Variants in CDH15 observed in about 807,000 individuals in gnomAD.
CDH15 encodes the protein cadherin-15.
Under a neutral mutation model 69.4 loss-of-function variants are expected in CDH15, and 73 were observed. The ratio of observed to expected loss-of-function variants is 1.05; its 90% CI spans 0.87 to 1.28. CDH15 has a LOEUF of 1.28. Among genes scored for constraint, CDH15 ranks in the 50% most tolerant of loss-of-function variants. The pLI, the probability that CDH15 is intolerant of heterozygous loss-of-function variation, is 0.00. For missense variants in CDH15, 1,343 were observed against 1,133.6 expected, an observed-to-expected ratio of 1.18 and a Z score of -2.65; for synonymous variants, 624 against 507.7, an observed-to-expected ratio of 1.23 and a Z score of -3.08.
In CDH15 at chr16:89,180,457, C is replaced by T. The variant is rs1273710991; in HGVS notation, c.357+102C>T. 2.3e-6 allele frequency: 3 copies of T among 1,319,632 alleles called. No homozygotes were observed. The African/African-American group carries it at 4.4e-5, about 19-fold the overall frequency. The allele number at this position is 1,319,632 out of a possible 1,614,324, so 81.7% of individuals were successfully genotyped here. A position where few individuals can be genotyped will look rare whatever the true frequency, so the allele number is the denominator to read the frequency against. ...CTTCTCCTCCCCGCTCGGTGGGCTTCAGGCCAGACTGCAAGATCCAGGCAC... is the reference window on the plus strand; with the variant it reads ...CTTCTCCTCCCCGCTCGGTGGGCTTTAGGCCAGACTGCAAGATCCAGGCAC... On this transcript the variant is annotated intron_variant, in intron 3 of 13. Transcript: ENST00000289746.
chr16:89,175,223 G>A (rs1915233836), intron 1 of CDH15, among the ~76,000 whole-genome samples: 1 of 152,206 alleles, frequency 6.6e-6, no homozygotes, highest in Non-Finnish European at 1.5e-5. Flanking sequence ...GCTGGAGGTT[G>A]GGTGAACAGG....
At chr16:89,191,269 G>A in intron 8 of CDH15, 61 bp from the exon 9 acceptor site, 1 of 1,606,262 alleles carries the variant, frequency 6.2e-7, no homozygotes, top group Admixed American at 1.7e-5. Flanking sequence ...ACCCATACCT[G>A]ACCACACCTG....
At position 89,185,162 on chromosome 16, in the gene CDH15, G is replaced by C; in HGVS notation, c.503-11G>C. 6.3e-7 allele frequency: 1 copy of C among 1,589,034 alleles called. No individual in the cohort carries two copies. The highest frequency in any genetic ancestry group is 8.6e-7 in the Non-Finnish European group (1 of 1,168,570). ...TGGACGTTGGCCCTCACGCCTCCCT[G>C]TGCTTCCCAGGCACCTATGTGACCA... On this transcript the variant is annotated splice_polypyrimidine_tract_variant and intron_variant, in intron 4 of 13. Coordinates refer to ENST00000289746, the MANE Select transcript of CDH15 (RefSeq NM_004933.3).
chr16:89,184,365 T>C (rs1718510231), intron 4 of CDH15, among the ~76,000 whole-genome samples: 1 of 152,150 alleles, frequency 6.6e-6, no homozygotes. Flanking sequence ...AAGCCCGTCC[T>C]TCCCACCCCA....
Position 89,185,169 on chromosome 16 carries a change from C to G in CDH15, c.503-4C>G. On this transcript the variant is annotated splice_polypyrimidine_tract_variant and splice_region_variant and intron_variant, in intron 4 of 13. Transcript: ENST00000289746. ...TGGCCCTCACGCCTCCCTGTGCTTC[C>G]CAGGCACCTATGTGACCAGGGCAGA... The G allele has an allele frequency of 1.3e-6, 2 of 1,594,302 alleles. No individual in the cohort carries two copies. Among genetic ancestry groups the G allele is most frequent in the Non-Finnish European group, 1.7e-6 (2 of 1,171,310 alleles).
chr16:89,172,176 G>T (rs1236764658), intron 1 of CDH15, among the ~76,000 whole-genome samples: 1 of 152,142 alleles, frequency 6.6e-6, no homozygotes, highest in Non-Finnish European at 1.5e-5. Flanking sequence ...TGGAGGAACC[G>T]CTGCCGGGGT....
rs140621107 is a variant in CDH15 at position 89,191,689 on chromosome 16, C to T, written c.1410C>T (p.Ser470=). The change falls in exon 10 of 14, where the codon TCC becomes TCT. Residue 470 remains serine (S), a synonymous_variant. Coordinates refer to ENST00000289746, the MANE Select transcript of CDH15 (RefSeq NM_004933.3). The part of the protein sequence containing the change: ...SQPRTATGTL[S]IEILEVNDHA... Reference sequence around the variant, plus strand: ...CCCGCACCGCCACCGGCACCCTGTCCATCGAGATCCTGGAGGTGAACGACC... The same window carrying T: ...CCCGCACCGCCACCGGCACCCTGTCTATCGAGATCCTGGAGGTGAACGACC... 2,397 of 1,600,942 alleles carry T rather than the reference C, an allele frequency of 1.5e-3. 35 individuals are homozygous for T. In the African/African-American group the frequency reaches 0.029, roughly 19 times the overall value.
intron 8 of CDH15, 97 bp downstream of exon 8, chr16:89,190,593 G>A (rs1049729877): frequency 6.9e-7 from 1 of 1,445,514 alleles, no homozygotes. Context: ...GTCAGAGGGT[G>A]TAGGGGCCAT....
rs368927460 is a variant in CDH15 at position 89,191,565 on chromosome 16, G to C, written c.1376-90G>C. 39 of 1,581,952 alleles carry C rather than the reference G, an allele frequency of 2.5e-5. No individual in the cohort carries two copies. In the Admixed American group the frequency reaches 6.5e-4, roughly 26 times the overall value. ...TCGGAGGGCTCTGCCCATGTCGCCC[G>C]GGGGCTCAGAGCTGCGCACCCGCTC... On this transcript the variant is annotated intron_variant, in intron 9 of 13. Transcript: ENST00000289746.
At chr16:89,181,513 C>T (rs1338660480) in intron 3 of CDH15, among the ~76,000 whole-genome samples, 2 of 152,150 alleles carry the variant, frequency 1.3e-5, no homozygotes, top group South Asian at 2.1e-4. Context: ...GGTGTTGCTG[C>T]GTGCCTGTGG....
chr16:89,183,579 C>G lies in CDH15; in HGVS notation c.389C>G (p.Ser130Cys). Residue 130 changes from serine to cysteine, a missense_variant, in exon 4 of 14, where the codon TCC (serine) becomes TGC (cysteine). Transcript: ENST00000289746. ...LRAFALDLGG[S>C]TLEDPTDLEI... is the part of the protein sequence containing the mutation. ...GCGTTTGCCCTGGACCTGGGAGGAT[C>G]CACCCTGGAGGACCCCACGGACCTG... The G allele has an allele frequency of 6.2e-7, 1 of 1,614,154 alleles. No individual in the cohort carries two copies. The highest frequency in any genetic ancestry group is 8.5e-7 in the Non-Finnish European group (1 of 1,180,038).
In CDH15 at chr16:89,191,404, TGCTCA is replaced by T. The variant is rs1915637298; in HGVS notation, c.1310_1314del (p.Leu437ProfsTer20). The T allele has an allele frequency of 1.2e-6, 2 of 1,612,772 alleles. No homozygotes were observed. The highest frequency in any genetic ancestry group is 1.3e-5 in the African/African-American group (1 of 75,038). On this transcript the variant is annotated frameshift_variant, in exon 9 of 14. Transcript: ENST00000289746. LOFTEE classifies it high-confidence loss of function. ...ACTGGCCGGATCCAGACCCAGCACG[TGCTCA>T]GCCCGGCGTCCCCCTTCCTCAAGGG... is the stretch of plus-strand genomic sequence containing the variant.
At chr16:89,172,630 A>T (rs9939388) in intron 1 of CDH15, among the ~76,000 whole-genome samples, 152,207 of 152,276 alleles carry the variant, frequency 1, 76,069 homozygotes, top group Middle Eastern at 1. Context: ...AGCAAGCCAG[A>T]GTGGAAGGAA....
At chr16:89,192,110 G>T in intron 10 of CDH15, 95 bp from the exon 11 acceptor site, 1 of 1,423,262 alleles carries the variant, frequency 7.0e-7, no homozygotes, top group South Asian at 1.4e-5. Flanking sequence ...CCAGGCCCAG[G>T]ATCTCGGGAT....
intron 7 of CDH15, among the ~76,000 whole-genome samples, chr16:89,189,832 A>G (rs1267806568): frequency 6.6e-6 from 1 of 152,242 alleles, no homozygotes; most frequent in African/African-American, 2.4e-5. Context: ...CGTGCAGACC[A>G]CAGGCTGGAG....
At chr16:89,186,544 C>A (rs1915492647) in intron 5 of CDH15, among the ~76,000 whole-genome samples, 1 of 130,544 alleles carries the variant, frequency 7.7e-6, no homozygotes, top group Non-Finnish European at 1.6e-5. Flanking sequence ...TAAACGCTTA[C>A]CCAGCGCACA....
At chr16:89,175,819 C>T (rs1330011757) in intron 1 of CDH15, among the ~76,000 whole-genome samples, 2 of 152,238 alleles carry the variant, frequency 1.3e-5, no homozygotes, top group African/African-American at 2.4e-5. Context: ...CCATCCTCTC[C>T]CTGCTTCCTG....
chr16:89,173,156 G>A (rs1442814139), intron 1 of CDH15, among the ~76,000 whole-genome samples: 1 of 152,126 alleles, frequency 6.6e-6, no homozygotes. Flanking sequence ...GGCTCAGCAT[G>A]CGTGCTCACC....
At chr16:89,181,068 C>G (rs1178023788) in intron 3 of CDH15, among the ~76,000 whole-genome samples, 1 of 151,124 alleles carries the variant, frequency 6.6e-6, no homozygotes, top group Non-Finnish European at 1.5e-5. Context: ...CTCCCCAGTT[C>G]AAGCAATTCT....
Sources: gnomAD v4.1 joint callset for allele counts (sites outside exome capture counted in the v4.1 genomes callset) on GRCh38, gnomAD v4.1.1 for gene constraint, MANE v1.5 for transcripts, NCBI Gene and HGNC (gene_info 2026-07-23, HGNC 2026-07-21) for gene names.